The following HEMK2 variants were observed in gnomAD, a reference collection of about 807,000 sequenced individuals.
HEMK2 encodes the protein methyltransferase HEMK2.
At chr21:28,845,436 T>C in the HEMK2 span, among the ~76,000 whole-genome samples, 58 of 152,224 alleles carry the variant, frequency 3.8e-4, no homozygotes, top group South Asian at 1.0e-3. Flanking sequence ...GTATAAACTT[T>C]AACCTTCTTT....
the HEMK2 span, among the ~76,000 whole-genome samples, chr21:28,837,778 T>C: frequency 2.0e-5 from 3 of 151,916 alleles, no homozygotes; most frequent in South Asian, 4.2e-4. Context: ...ATAAATAAAA[T>C]TGATAGACTA....
the HEMK2 span, among the ~76,000 whole-genome samples, chr21:28,733,403 T>C: frequency 6.6e-6 from 1 of 152,238 alleles, no homozygotes; most frequent in Non-Finnish European, 1.5e-5. Context: ...TGGCTTTTTT[T>C]CTCAGCTAAG....
chr21:28,660,274 T>C, the HEMK2 span, among the ~76,000 whole-genome samples: 5 of 151,732 alleles, frequency 3.3e-5, no homozygotes, highest in Non-Finnish European at 7.4e-5. Context: ...TTTATAGTTT[T>C]TACTTCTTTT....
At chr21:28,737,511 C>T in the HEMK2 span, among the ~76,000 whole-genome samples, 1 of 151,752 alleles carries the variant, frequency 6.6e-6, no homozygotes, top group Non-Finnish European at 1.5e-5. Context: ...AAAAATCTGC[C>T]TTTTTTTCTT....
the HEMK2 span, among the ~76,000 whole-genome samples, chr21:28,810,235 T>C: frequency 6.6e-6 from 1 of 152,190 alleles, no homozygotes; most frequent in Non-Finnish European, 1.5e-5. Flanking sequence ...AGCAGTCATT[T>C]CCATTTGGTC....
At chr21:28,605,844 T>C in the HEMK2 span, among the ~76,000 whole-genome samples, 1 of 152,230 alleles carries the variant, frequency 6.6e-6, no homozygotes, top group African/African-American at 2.4e-5. Flanking sequence ...AGGATGTTTC[T>C]ATTTCAATGT....
chr21:28,758,805 T>C, the HEMK2 span, among the ~76,000 whole-genome samples: 2 of 152,116 alleles, frequency 1.3e-5, no homozygotes, highest in Non-Finnish European at 1.5e-5. Context: ...AGCTGGTGAA[T>C]AGGCTGGAGC....
At chr21:28,782,944 T>G in the HEMK2 span, among the ~76,000 whole-genome samples, 2 of 152,252 alleles carry the variant, frequency 1.3e-5, no homozygotes, top group African/African-American at 4.8e-5. Flanking sequence ...TTGACCAGTA[T>G]GTAAAATGTT....
the HEMK2 span, among the ~76,000 whole-genome samples, chr21:28,810,238 A>G: frequency 7.2e-5 from 11 of 152,114 alleles, no homozygotes; most frequent in Non-Finnish European, 1.6e-4. Flanking sequence ...AGTCATTTCC[A>G]TTTGGTCACT....
chr21:28,593,644 G>T, the HEMK2 span, among the ~76,000 whole-genome samples: 1 of 152,158 alleles, frequency 6.6e-6, no homozygotes, highest in Non-Finnish European at 1.5e-5. Flanking sequence ...TCATGATAAT[G>T]AATGTATGTC....
the HEMK2 span, among the ~76,000 whole-genome samples, chr21:28,607,513 G>T: frequency 6.6e-6 from 1 of 152,186 alleles, no homozygotes; most frequent in Non-Finnish European, 1.5e-5. Context: ...AGATCAACTA[G>T]GTTTCTGACA....
chr21:28,812,568 A>C, the HEMK2 span, among the ~76,000 whole-genome samples: 1 of 152,086 alleles, frequency 6.6e-6, no homozygotes, highest in Admixed American at 6.6e-5. Context: ...TTTCACATTG[A>C]TGTTCATCAG....
At chr21:28,632,752 T>G in the HEMK2 span, among the ~76,000 whole-genome samples, 1 of 152,208 alleles carries the variant, frequency 6.6e-6, no homozygotes, top group Non-Finnish European at 1.5e-5. Flanking sequence ...TCTCTTCCAA[T>G]TCTTGCTGTA....
At chr21:28,819,368 T>C in the HEMK2 span, among the ~76,000 whole-genome samples, 1 of 151,804 alleles carries the variant, frequency 6.6e-6, no homozygotes, top group Non-Finnish European at 1.5e-5. Flanking sequence ...ATGCTTTATA[T>C]AGGAAGTCTT....
the HEMK2 span, among the ~76,000 whole-genome samples, chr21:28,602,132 C>G: frequency 6.6e-6 from 1 of 152,250 alleles, no homozygotes; most frequent in African/African-American, 2.4e-5. Flanking sequence ...GAGAAAAGGA[C>G]TATTTCTGCA....
chr21:28,636,592 C>G, the HEMK2 span, among the ~76,000 whole-genome samples: 1 of 152,150 alleles, frequency 6.6e-6, no homozygotes, highest in African/African-American at 2.4e-5. Context: ...CACTGCACCA[C>G]TGTAATTTGC....
At chr21:28,668,648 G>A in the HEMK2 span, among the ~76,000 whole-genome samples, 4 of 152,150 alleles carry the variant, frequency 2.6e-5, no homozygotes, top group South Asian at 4.1e-4. Context: ...TGGTATGGTC[G>A]AGGGCAGTAT....
At chr21:28,801,928 C>T in the HEMK2 span, among the ~76,000 whole-genome samples, 1 of 152,136 alleles carries the variant, frequency 6.6e-6, no homozygotes, top group Admixed American at 6.5e-5. Context: ...TCTCACACAT[C>T]ATTGGTATAA....
At chr21:28,701,789 T>C in the HEMK2 span, among the ~76,000 whole-genome samples, 1 of 152,082 alleles carries the variant, frequency 6.6e-6, no homozygotes, top group South Asian at 2.1e-4. Context: ...GCTATTCCTA[T>C]CAAACTACCA....
Sources: gnomAD v4.1 joint callset for allele counts (sites outside exome capture counted in the v4.1 genomes callset) on GRCh38, gnomAD v4.1.1 for gene constraint, MANE v1.5 for transcripts, NCBI Gene and HGNC (gene_info 2026-07-23, HGNC 2026-07-21) for gene names.